The following TMEM87B variants were observed in gnomAD, a reference collection of about 807,000 sequenced individuals.
TMEM87B encodes the protein transmembrane protein 87B.
Under a neutral mutation model 80.3 loss-of-function variants are expected in TMEM87B, and 83 were observed. The observed-to-expected ratio is 1.03, with a 90% CI of 0.87 to 1.24. TMEM87B has a LOEUF of 1.24. TMEM87B is among the 50% of genes most tolerant of loss of function. The pLI is 0.00. For synonymous variants in TMEM87B, 219 were observed against 230.5 expected, an observed-to-expected ratio of 0.95 and a Z score of 0.45; for missense variants, 625 against 674.4, an observed-to-expected ratio of 0.93 and a Z score of 0.81.
chr2:112,073,025 G>A (rs1678703389), intron 4 of TMEM87B, among the ~76,000 whole-genome samples: 4 of 148,162 alleles, frequency 2.7e-5, no homozygotes, highest in South Asian at 4.3e-4. Flanking sequence ...TCAGCCTCCC[G>A]AGTAGCTGGG....
chr2:112,116,128 A>G lies in TMEM87B; in HGVS notation c.1653A>G (p.Ser551=). 6.2e-7 allele frequency: 1 copy of G among 1,612,956 alleles called. No homozygotes were observed. ...AAATGGCTGAAAAAATGTTCTCTTC[A>G]GAAAAGATAATGTGATTGGAACCCG... ...RSEMAEKMFS[S]EKIM Residue 551 remains serine, a synonymous_variant, in exon 19 of 19, where the codon TCA becomes TCG. Transcript: ENST00000283206.
At chr2:112,071,102 GC>G (rs1326046946) in intron 4 of TMEM87B, among the ~76,000 whole-genome samples, 15 of 151,922 alleles carry the variant, frequency 9.9e-5, no homozygotes, top group African/African-American at 3.1e-4. Flanking sequence ...GGGATTACAG[GC>G]ATGAGCCACT....
intron 6 of TMEM87B, among the ~76,000 whole-genome samples, chr2:112,078,819 C>A (rs1046372863): frequency 6.6e-6 from 1 of 152,116 alleles, no homozygotes; most frequent in South Asian, 2.1e-4. Flanking sequence ...TTCCAAGTTA[C>A]GTCAAGGAAG....
intron 15 of TMEM87B, among the ~76,000 whole-genome samples, chr2:112,102,410 A>G (rs1392549526): frequency 6.6e-6 from 1 of 152,182 alleles, no homozygotes; most frequent in Non-Finnish European, 1.5e-5. Context: ...TAGTACAAAT[A>G]AGGCTGGGTG....
In TMEM87B at chr2:112,101,294, C is replaced by T. The variant is rs1480531271; in HGVS notation, c.1450+599C>T. ...TTCTTTTTCACCTTCTGTTTTGGTT[C>T]TCTAATACATCGATGAAATAGAAAA... On this transcript the variant is annotated intron_variant, in intron 15 of 18. Coordinates refer to ENST00000283206, the MANE Select transcript of TMEM87B (RefSeq NM_032824.3). Among the ~76,000 whole-genome samples, 4 of 151,912 alleles carry T rather than the reference C, an allele frequency of 2.6e-5. No individual in the cohort carries two copies. The South Asian group carries it at 8.3e-4, about 32-fold the overall frequency.
chr2:112,057,419 G>A (rs572780299), intron 1 of TMEM87B, among the ~76,000 whole-genome samples: 1 of 152,184 alleles, frequency 6.6e-6, no homozygotes, highest in Non-Finnish European at 1.5e-5. Flanking sequence ...AAGACTATAG[G>A]TACATGCCAC....
chr2:112,058,116 C>A (rs1386707699), intron 1 of TMEM87B, among the ~76,000 whole-genome samples: 1 of 152,176 alleles, frequency 6.6e-6, no homozygotes, highest in Non-Finnish European at 1.5e-5. Flanking sequence ...CGTGAGCCAC[C>A]GCACTCGGCC....
At chr2:112,066,054 TTTGTTA>T (rs1678425774) in intron 3 of TMEM87B, among the ~76,000 whole-genome samples, 1 of 152,256 alleles carries the variant, frequency 6.6e-6, no homozygotes, top group Non-Finnish European at 1.5e-5. Context: ...TACTTTTCTC[TTTGTTA>T]TTAACAACAA....
intron 18 of TMEM87B, among the ~76,000 whole-genome samples, chr2:112,113,385 T>A (rs1331495668): frequency 6.6e-6 from 1 of 152,210 alleles, no homozygotes; most frequent in African/African-American, 2.4e-5. Flanking sequence ...AAATCTGAAG[T>A]GTAAGAATTA....
intron 1 of TMEM87B, among the ~76,000 whole-genome samples, chr2:112,058,432 G>A (rs1363078741): frequency 6.6e-6 from 1 of 152,232 alleles, no homozygotes; most frequent in Admixed American, 6.5e-5. Flanking sequence ...ATTCTGAAGA[G>A]GGCAGCTGCC....
At position 112,055,640 on chromosome 2, in the gene TMEM87B, CGCT is replaced by C; in HGVS notation, c.53_55del (p.Cys18del). 1 of 1,559,110 alleles carries C rather than the reference CGCT, an allele frequency of 6.4e-7. No homozygotes were observed. The highest frequency in any genetic ancestry group is 1.4e-5 in the African/African-American group (1 of 71,156). ...AGCCGGGCTCCTGCCACGCCGCCGCCGCTGCTTTCCCGCCCGGGCCCCGCTGCT... is the reference window on the plus strand; with the variant it reads ...AGCCGGGCTCCTGCCACGCCGCCGCCGCTTTCCCGCCCGGGCCCCGCTGCT... On this transcript the variant is annotated inframe_deletion, in exon 1 of 19. Coordinates refer to ENST00000283206, the MANE Select transcript of TMEM87B (RefSeq NM_032824.3).
chr2:112,116,059 A>G (rs1297353465), intron 18 of TMEM87B, 25 bp from the exon 19 acceptor site: 3 of 1,602,488 alleles, frequency 1.9e-6, no homozygotes, highest in Admixed American at 3.4e-5. Context: ...ACATGTTGAT[A>G]CATATCTTCT....
At chr2:112,094,341 T>C (rs1379596443) in intron 11 of TMEM87B, among the ~76,000 whole-genome samples, 1 of 151,982 alleles carries the variant, frequency 6.6e-6, no homozygotes, top group Non-Finnish European at 1.5e-5. Flanking sequence ...TTTTGTATTT[T>C]TAGTAGATAC....
At chr2:112,093,019 T>C (rs1048527236) in intron 11 of TMEM87B, among the ~76,000 whole-genome samples, 6 of 152,248 alleles carry the variant, frequency 3.9e-5, no homozygotes, top group African/African-American at 1.4e-4. Context: ...TTTAGCTTTT[T>C]GACATTAATT....
At chr2:112,081,673 G>A (rs895579332) in intron 8 of TMEM87B, among the ~76,000 whole-genome samples, 155 bp downstream of exon 8, 1 of 152,228 alleles carries the variant, frequency 6.6e-6, no homozygotes, top group Admixed American at 6.5e-5. Context: ...GTCAGAGTAG[G>A]CCTCTGATCT....
Position 112,066,974 on chromosome 2 carries a change from CTT to C in TMEM87B, c.360_361del (p.Phe120LeufsTer7). On this transcript the variant is annotated frameshift_variant, in exon 4 of 19. Transcript: ENST00000283206. LOFTEE classifies it high-confidence loss of function. Reference protein sequence around the residue: ...QKHKLSVDEDFCHYLKNDNCW... With the variant: ...QKHKLSVDEDXCHYLKNDNCW... ...AACATAAACTTAGTGTTGATGAAGA[CTT>C]TTGTCATTATTTGAAGAATGACAAC... 1 of 1,611,088 alleles carries C rather than the reference CTT, an allele frequency of 6.2e-7. No individual in the cohort carries two copies. Among genetic ancestry groups the C allele is most frequent in the Non-Finnish European group, 8.5e-7 (1 of 1,179,142 alleles).
chr2:112,064,114 G>C (rs1270666185), intron 2 of TMEM87B, 48 bp from the exon 3 acceptor site: 1 of 1,482,936 alleles, frequency 6.7e-7, no homozygotes, highest in South Asian at 1.2e-5. Context: ...GTTTATATTA[G>C]AGTGTATGTA....
intron 2 of TMEM87B, among the ~76,000 whole-genome samples, chr2:112,062,824 G>A (rs543698456): frequency 1.1e-4 from 17 of 152,062 alleles, no homozygotes; most frequent in Admixed American, 3.3e-4. Context: ...CCAAATACCT[G>A]GTATATTTAC....
chr2:112,074,563 A>G (rs1451656759), intron 4 of TMEM87B, among the ~76,000 whole-genome samples: 1 of 152,128 alleles, frequency 6.6e-6, no homozygotes, highest in Non-Finnish European at 1.5e-5. Flanking sequence ...CTTATAAAGT[A>G]TCTTGTGGGG....
Sources: gnomAD v4.1 joint callset for allele counts (sites outside exome capture counted in the v4.1 genomes callset) on GRCh38, gnomAD v4.1.1 for gene constraint, MANE v1.5 for transcripts, NCBI Gene and HGNC (gene_info 2026-07-23, HGNC 2026-07-21) for gene names.